Variants in GRIA4 observed in about 807,000 individuals in gnomAD.
GRIA4 encodes the protein glutamate ionotropic receptor AMPA type subunit 4.
In GRIA4, 34 loss-of-function variants were observed where a neutral mutation model predicts 104.0. The observed-to-expected ratio is 0.33, with a 90% CI of 0.25 to 0.44. GRIA4 has a LOEUF of 0.44. GRIA4 is among the 20% of genes least tolerant of loss of function. The pLI, the probability that GRIA4 is intolerant of heterozygous loss-of-function variation, is 1.00. For synonymous variants in GRIA4, 386 were observed against 381.9 expected, an observed-to-expected ratio of 1.01 and a Z score of -0.13; for missense variants, 750 against 1,096.5, an observed-to-expected ratio of 0.68 and a Z score of 4.46.
intron 4 of GRIA4, among the ~76,000 whole-genome samples, chr11:105,814,620 T>C (rs1943304268): frequency 6.6e-6 from 1 of 152,088 alleles, no homozygotes; most frequent in South Asian, 2.1e-4. Flanking sequence ...GAGTGACAGA[T>C]AGTAGGCAAA....
chr11:105,905,320 G>T lies in GRIA4; in HGVS notation c.1158+19G>T. The T allele has an allele frequency of 8.0e-7, 1 of 1,256,912 alleles. No individual in the cohort carries two copies. The highest frequency in any genetic ancestry group is 1.2e-6 in the Non-Finnish European group (1 of 857,518). The allele number at this position is 1,256,912 out of a possible 1,614,324, so 77.9% of individuals were successfully genotyped here. A position where few individuals can be genotyped will look rare whatever the true frequency, so the allele number is the denominator to read the frequency against. On this transcript the variant is annotated intron_variant, in intron 9 of 16. Transcript: ENST00000282499. ...TAGAAAGGTGAGCCACGATCAAACT[G>T]AAAAACAGAATTCTCTGTTTCTTAG...
intron 5 of GRIA4, among the ~76,000 whole-genome samples, chr11:105,879,288 T>C (rs1029905646): frequency 6.6e-6 from 1 of 152,152 alleles, no homozygotes; most frequent in Non-Finnish European, 1.5e-5. Context: ...ACACCTGCCT[T>C]CTGCATTGAT....
chr11:105,766,567 T>G (rs548451383), intron 4 of GRIA4, among the ~76,000 whole-genome samples: 3 of 152,322 alleles, frequency 2.0e-5, no homozygotes, highest in Admixed American at 2.0e-4. Context: ...AAATCTTGAC[T>G]GGGCCTGTGT....
intron 3 of GRIA4, among the ~76,000 whole-genome samples, chr11:105,617,900 A>G (rs897913171): frequency 3.9e-5 from 6 of 152,056 alleles, no homozygotes; most frequent in African/African-American, 1.4e-4. Flanking sequence ...ATGACAGAGA[A>G]ACATTGCTAG....
chr11:105,704,514 G>C (rs540327605), intron 3 of GRIA4, among the ~76,000 whole-genome samples: 4 of 152,120 alleles, frequency 2.6e-5, no homozygotes, highest in South Asian at 4.2e-4. Flanking sequence ...GGTGGACCTA[G>C]CCAAGGAGCT....
intron 3 of GRIA4, among the ~76,000 whole-genome samples, chr11:105,633,740 A>G (rs1951099954): frequency 6.6e-6 from 1 of 152,188 alleles, no homozygotes; most frequent in Admixed American, 6.6e-5. Context: ...TTAAATAACA[A>G]TATCAGAATC....
At chr11:105,761,846 A>G (rs1658482359) in intron 4 of GRIA4, among the ~76,000 whole-genome samples, 1 of 152,038 alleles carries the variant, frequency 6.6e-6, no homozygotes, top group African/African-American at 2.4e-5. Flanking sequence ...ATGTGTACAG[A>G]TTTCCATAAA....
At chr11:105,668,647 A>G (rs1952253390) in intron 3 of GRIA4, among the ~76,000 whole-genome samples, 1 of 147,098 alleles carries the variant, frequency 6.8e-6, no homozygotes, top group Admixed American at 6.9e-5. Flanking sequence ...CCTTTTCTCT[A>G]CATCCTTGAC....
chr11:105,683,756 C>G (rs1368330020), intron 3 of GRIA4, among the ~76,000 whole-genome samples: 1 of 151,990 alleles, frequency 6.6e-6, no homozygotes, highest in Non-Finnish European at 1.5e-5. Flanking sequence ...TTGAACAATG[C>G]AAGGTTGTTC....
rs148735395 is a variant in GRIA4, at chr11:105,956,013, T to G, written c.2295-15901T>G. ...ATTTGTTTAAGTTTCTTGTAAATTC[T>G]GGATATTAGACGTTTGTCAGACGGG... On this transcript the variant is annotated intron_variant, in intron 14 of 16. Coordinates refer to ENST00000282499, the MANE Select transcript of GRIA4 (RefSeq NM_000829.4). 1.2e-3 allele frequency among the ~76,000 whole-genome samples: 190 copies of G among 152,336 alleles called. No individual in the cohort carries two copies. In the Middle Eastern group the frequency reaches 0.024, roughly 19 times the overall value.
chr11:105,802,373 G>C (rs1942757877), intron 4 of GRIA4, among the ~76,000 whole-genome samples: 1 of 151,940 alleles, frequency 6.6e-6, no homozygotes, highest in African/African-American at 2.4e-5. Context: ...AAATAACTAA[G>C]TACTCACAAT....
At chr11:105,878,078 C>T (rs766211943) in intron 5 of GRIA4, among the ~76,000 whole-genome samples, 1 of 152,146 alleles carries the variant, frequency 6.6e-6, no homozygotes, top group Non-Finnish European at 1.5e-5. Context: ...TGTTGGTGAC[C>T]TTCAGATGGG....
chr11:105,971,453 C>T (rs1377330102), intron 14 of GRIA4, among the ~76,000 whole-genome samples: 2 of 152,098 alleles, frequency 1.3e-5, no homozygotes, highest in African/African-American at 2.4e-5. Context: ...TGTAGACATA[C>T]TTTTATAGCA....
chr11:105,879,983 C>A (rs680109), intron 5 of GRIA4, among the ~76,000 whole-genome samples: 54,458 of 151,792 alleles, frequency 0.36, 9,820 homozygotes, highest in Non-Finnish European at 0.38. Flanking sequence ...TCACTTAATG[C>A]CTATATTTAT....
intron 3 of GRIA4, among the ~76,000 whole-genome samples, chr11:105,680,476 T>C (rs767194872): frequency 6.6e-6 from 1 of 152,134 alleles, no homozygotes; most frequent in Non-Finnish European, 1.5e-5. Context: ...AGCCATTTTA[T>C]GAAGCCAGCT....
chr11:105,965,976 T>C (rs1443895367), intron 14 of GRIA4: 2 of 1,612,420 alleles, frequency 1.2e-6, no homozygotes, highest in Non-Finnish European at 1.7e-6. Context: ...GTTTTAAAAC[T>C]GAATGAACAA....
intron 3 of GRIA4, among the ~76,000 whole-genome samples, chr11:105,630,814 C>G (rs1020436321): frequency 6.6e-6 from 1 of 152,024 alleles, no homozygotes; most frequent in Non-Finnish European, 1.5e-5. Context: ...ATTACTCATT[C>G]AAACACACTG....
chr11:105,746,600 C>T (rs1302100875), intron 3 of GRIA4, among the ~76,000 whole-genome samples: 1 of 151,978 alleles, frequency 6.6e-6, no homozygotes, highest in Non-Finnish European at 1.5e-5. Context: ...AAAATTCTGA[C>T]CTTAGACCAC....
chr11:105,919,058 TTCTC>T (rs1947485622), intron 11 of GRIA4, 140 bp downstream of exon 11: 2 of 587,862 alleles, frequency 3.4e-6, no homozygotes, highest in African/African-American at 1.9e-5. Flanking sequence ...GTTTAAATCT[TTCTC>T]TATTTTATTA....
Sources: allele counts gnomAD v4.1 joint callset (sites outside exome capture counted in the v4.1 genomes callset), GRCh38; gene constraint gnomAD v4.1.1; transcripts MANE v1.5; gene names NCBI Gene and HGNC (gene_info 2026-07-23, HGNC 2026-07-21).